GRIN2B: variants seen among roughly 807,000 people sequenced by gnomAD.
GRIN2B encodes glutamate receptor ionotropic, NMDA 2B.
In GRIN2B, 5 loss-of-function variants were observed where a neutral mutation model predicts 114.5. The ratio of observed to expected loss-of-function variants is 0.04; its 90% CI spans 0.02 to 0.09. The LOEUF is 0.09. Among genes scored for constraint, GRIN2B ranks in the 10% least tolerant of loss-of-function variants. GRIN2B has a pLI of 1.00. For missense variants in GRIN2B, 1,108 were observed against 1,943.5 expected (o/e 0.57, Z 8.08); for synonymous variants, 787 against 745.1 (o/e 1.06, Z -0.92).
intron 8 of GRIN2B, 124 bp downstream of exon 8, chr12:13,614,990 G>T: frequency 1.2e-6 from 1 of 849,868 alleles, no homozygotes; most frequent in Non-Finnish European, 2.0e-6. Context: ...GAAGTCCCTG[G>T]CTGAGTTGAG....
chr12:13,947,219 T>G (rs994610990), intron 2 of GRIN2B, among the ~76,000 whole-genome samples: 1 of 152,228 alleles, frequency 6.6e-6, no homozygotes, highest in Non-Finnish European at 1.5e-5. Flanking sequence ...CTGTTGCTTT[T>G]CCCACTGACT....
At chr12:13,602,024 C>T (rs1949167875) in intron 10 of GRIN2B, among the ~76,000 whole-genome samples, 1 of 152,080 alleles carries the variant, frequency 6.6e-6, no homozygotes, top group Non-Finnish European at 1.5e-5. Context: ...TGTTCTGGAC[C>T]CATTTGGATG....
intron 3 of GRIN2B, among the ~76,000 whole-genome samples, chr12:13,845,315 A>G (rs12299316): frequency 6.6e-6 from 1 of 152,092 alleles, no homozygotes; most frequent in Non-Finnish European, 1.5e-5. Flanking sequence ...ACTTTTATCA[A>G]TATCAATATA....
chr12:13,899,834 T>C (rs1028845740), intron 2 of GRIN2B, among the ~76,000 whole-genome samples: 4 of 150,818 alleles, frequency 2.7e-5, no homozygotes, highest in Middle Eastern at 3.2e-3. Context: ...ACAGTATATG[T>C]ACAAATTTTT....
intron 2 of GRIN2B, among the ~76,000 whole-genome samples, chr12:13,945,898 A>G (rs1867354753): frequency 6.6e-6 from 1 of 152,220 alleles, no homozygotes; most frequent in Non-Finnish European, 1.5e-5. Context: ...AGGGCAGCCT[A>G]GGATGCCAAG....
intron 2 of GRIN2B, among the ~76,000 whole-genome samples, chr12:13,925,335 G>C (rs1291295727): frequency 2.6e-5 from 4 of 152,146 alleles, no homozygotes; most frequent in Admixed American, 2.6e-4. Context: ...AAGAAATTAA[G>C]GAGTAATTTA....
intron 3 of GRIN2B, among the ~76,000 whole-genome samples, chr12:13,845,734 G>A (rs1422160622): frequency 6.6e-6 from 1 of 152,196 alleles, no homozygotes; most frequent in East Asian, 1.9e-4. Context: ...TTTTTGTGGA[G>A]GGGTGAGGAA....
intron 3 of GRIN2B, among the ~76,000 whole-genome samples, chr12:13,763,917 C>T (rs890850733): frequency 4.6e-5 from 7 of 152,188 alleles, no homozygotes; most frequent in African/African-American, 1.4e-4. Flanking sequence ...TTTTCTTTTA[C>T]TCATTTATGG....
chr12:13,754,222 A>G (rs1004265217), intron 3 of GRIN2B, among the ~76,000 whole-genome samples: 1 of 152,206 alleles, frequency 6.6e-6, no homozygotes, highest in Admixed American at 6.5e-5. Flanking sequence ...AAATATGTTA[A>G]TATTTCTAAA....
intron 2 of GRIN2B, among the ~76,000 whole-genome samples, chr12:13,975,256 C>T (rs746299882): frequency 1.6e-4 from 25 of 152,290 alleles, no homozygotes; most frequent in Admixed American, 2.6e-4. Flanking sequence ...ACTGATAGCT[C>T]ATTAGAAATG....
chr12:13,653,327 T>G (rs1311331703), intron 5 of GRIN2B, among the ~76,000 whole-genome samples: 1 of 152,098 alleles, frequency 6.6e-6, no homozygotes, highest in African/African-American at 2.4e-5. Flanking sequence ...GACATAAAAG[T>G]TAAGGCTTAA....
At chr12:13,700,021 A>G (rs1465649036) in intron 4 of GRIN2B, among the ~76,000 whole-genome samples, 3 of 152,038 alleles carry the variant, frequency 2.0e-5, no homozygotes, top group Admixed American at 1.3e-4. Flanking sequence ...TAAACTTACC[A>G]GGGAATCTTT....
At chr12:13,694,033 C>T (rs372110843) in intron 4 of GRIN2B, among the ~76,000 whole-genome samples, 2 of 152,032 alleles carry the variant, frequency 1.3e-5, no homozygotes, top group South Asian at 2.1e-4. Context: ...ACCAGAGGAC[C>T]GAGTCAGCAA....
At chr12:13,937,862 A>T (rs145395443) in intron 2 of GRIN2B, among the ~76,000 whole-genome samples, 1 of 152,134 alleles carries the variant, frequency 6.6e-6, no homozygotes, top group Admixed American at 6.6e-5. Flanking sequence ...CCTCCTGCGA[A>T]GTTATTACAC....
chr12:13,576,164 T>C (rs1948773023), intron 10 of GRIN2B, among the ~76,000 whole-genome samples: 1 of 152,182 alleles, frequency 6.6e-6, no homozygotes, highest in Non-Finnish European at 1.5e-5. Context: ...AACAGAGATT[T>C]TTTATACTGT....
At chr12:13,687,755 T>C (rs1035025088) in intron 4 of GRIN2B, among the ~76,000 whole-genome samples, 1 of 152,236 alleles carries the variant, frequency 6.6e-6, no homozygotes, top group Non-Finnish European at 1.5e-5. Flanking sequence ...TGGCTGCTCT[T>C]AGGCACTGGA....
intron 3 of GRIN2B, among the ~76,000 whole-genome samples, chr12:13,823,080 A>G (rs1274963819): frequency 1.3e-5 from 2 of 152,040 alleles, no homozygotes; most frequent in South Asian, 2.1e-4. Flanking sequence ...TGTCCTTTAT[A>G]GCAAGTTTTA....
intron 2 of GRIN2B, among the ~76,000 whole-genome samples, chr12:13,927,362 G>T (rs950626899): frequency 6.6e-6 from 1 of 152,126 alleles, no homozygotes; most frequent in Non-Finnish European, 1.5e-5. Context: ...TAACAGGCTA[G>T]AAATGTTTTT....
At chr12:13,947,742 A>G (rs916276592) in intron 2 of GRIN2B, among the ~76,000 whole-genome samples, 14 of 152,136 alleles carry the variant, frequency 9.2e-5, no homozygotes, top group Non-Finnish European at 1.5e-4. Flanking sequence ...CTCATTTTCC[A>G]GCTGCAGTCC....
Sources: gnomAD v4.1 joint callset for allele counts (sites outside exome capture counted in the v4.1 genomes callset) on GRCh38, gnomAD v4.1.1 for gene constraint, MANE v1.5 for transcripts, NCBI Gene and HGNC (gene_info 2026-07-23, HGNC 2026-07-21) for gene names.